CFAP57: variants seen among roughly 807,000 people sequenced by gnomAD.
CFAP57 encodes cilia and flagella associated protein 57.
In CFAP57, 116 loss-of-function variants were observed where a neutral mutation model predicts 146.8. The ratio of observed to expected loss-of-function variants is 0.79; its 90% CI spans 0.68 to 0.92. The LOEUF is 0.92. CFAP57 is among the 40% of genes least tolerant of loss of function. The pLI, the probability that CFAP57 is intolerant of heterozygous loss-of-function variation, is 0.00. For missense variants in CFAP57, 1,377 were observed against 1,527.2 expected (o/e 0.90, Z 1.64); for synonymous variants, 518 against 552.8 (o/e 0.94, Z 0.88).
In CFAP57 at chr1:43,231,448, C is replaced by G. The variant is rs1645462336; in HGVS notation, c.3010-1060C>G. 2.0e-5 allele frequency among the ~76,000 whole-genome samples: 3 copies of G among 152,202 alleles called. No individual in the cohort carries two copies. In the South Asian group the frequency reaches 6.2e-4, roughly 32 times the overall value. On this transcript the variant is annotated intron_variant, in intron 18 of 22. Transcript: ENST00000372492. ...TGTCCACCAGATATAGTCCATAAGT[C>G]ATTAGGAGTTAGGTCAATGAAAGCT...
chr1:43,197,661 C>T lies in CFAP57; in HGVS notation c.1231C>T (p.Arg411Ter), dbSNP rs776508053. 27 of 1,613,964 alleles carry T rather than the reference C, an allele frequency of 1.7e-5. No homozygotes were observed. Among genetic ancestry groups the T allele is most frequent in the Middle Eastern group, 1.6e-4 (1 of 6,084 alleles). ...CCTTATAGCCACCTGTTCTCTGGAT[C>T]GATCCATCCGCCTTTGGAATTATGA... ...KPLIATCSLDRSIRLWNYETN... is the reference protein window; with the variant it reads ...KPLIATCSLD Residue 411 changes from arginine (R) to a stop codon, truncating the protein, a stop_gained, in exon 7 of 23, where the codon CGA (arginine) becomes TGA (stop). Transcript: ENST00000372492. LOFTEE classifies it high-confidence loss of function.
At chr1:43,227,710 C>T (rs984589684) in intron 18 of CFAP57, among the ~76,000 whole-genome samples, 6 of 152,058 alleles carry the variant, frequency 3.9e-5, no homozygotes, top group Admixed American at 3.9e-4. Context: ...GTCCCCCATG[C>T]CCCCCACCAC....
intron 2 of CFAP57, among the ~76,000 whole-genome samples, chr1:43,178,722 T>A (rs546712281): frequency 6.6e-6 from 1 of 152,332 alleles, no homozygotes; most frequent in South Asian, 2.1e-4. Context: ...TGGAAGACAG[T>A]GTGGTGATTC....
intron 16 of CFAP57, among the ~76,000 whole-genome samples, chr1:43,223,369 T>C (rs1645124308): frequency 1.3e-5 from 2 of 152,084 alleles, no homozygotes; most frequent in Non-Finnish European, 2.9e-5. Flanking sequence ...ATAGATGAAG[T>C]CTTGGCCGGG....
At chr1:43,222,008 T>C in intron 14 of CFAP57, 97 bp from the exon 15 acceptor site, 1 of 1,048,248 alleles carries the variant, frequency 9.5e-7, no homozygotes, top group Non-Finnish European at 1.3e-6. Context: ...CTGCTCCAGC[T>C]GGTGCTGGAA....
chr1:43,253,436 A>C (rs1002595474), intron 22 of CFAP57, among the ~76,000 whole-genome samples: 1 of 152,304 alleles, frequency 6.6e-6, no homozygotes, highest in East Asian at 1.9e-4. Flanking sequence ...CTTGCGGGGC[A>C]GGGGTGAGCC....
intron 17 of CFAP57, among the ~76,000 whole-genome samples, chr1:43,224,889 T>C (rs1347911992): frequency 6.6e-6 from 1 of 152,202 alleles, no homozygotes; most frequent in Non-Finnish European, 1.5e-5. Flanking sequence ...AGGTTCCATT[T>C]ATTGACCATT....
intron 8 of CFAP57, among the ~76,000 whole-genome samples, 183 bp from the exon 9 acceptor site, chr1:43,199,207 C>G (rs139419461): frequency 7.2e-5 from 11 of 152,302 alleles, no homozygotes; most frequent in Non-Finnish European, 8.8e-5. Context: ...CTATGAGTTA[C>G]AGGAATAATG....
intron 8 of CFAP57, among the ~76,000 whole-genome samples, chr1:43,198,916 T>C (rs1643987260): frequency 1.3e-5 from 2 of 152,224 alleles, no homozygotes; most frequent in Admixed American, 1.3e-4. Context: ...CTGTCTGTAA[T>C]TGTGGAATAT....
At chr1:43,203,854 G>T (rs753769365) in intron 9 of CFAP57, among the ~76,000 whole-genome samples, 6 of 152,112 alleles carry the variant, frequency 3.9e-5, no homozygotes, top group Non-Finnish European at 2.9e-5. Context: ...GGAGTTTATT[G>T]TACTTCTTGG....
At chr1:43,177,197 A>C in intron 2 of CFAP57, 1 of 456,382 alleles carries the variant, frequency 2.2e-6, no homozygotes, top group Non-Finnish European at 4.4e-6. Context: ...CTGAGGGATG[A>C]TTGCTGTAAT....
Position 43,199,410 on chromosome 1 carries a change from T to C in CFAP57, c.1449T>C (p.Gly483=), listed in dbSNP as rs746513502. The part of the protein sequence containing the change: ...GCGECSFSNG[G]HLFAAVNGNV... ...TATAGTGTTCCTTTAGCAATGGAGG[T>C]CACCTGTTTGCTGCAGTCAATGGAA... is the stretch of plus-strand genomic sequence containing the variant. The change falls in exon 9 of 23, where the codon GGT becomes GGC. Residue 483 remains glycine, a synonymous_variant. Coordinates refer to ENST00000372492, the MANE Select transcript of CFAP57 (RefSeq NM_001378189.1). 1 of 1,614,048 alleles carries C rather than the reference T, an allele frequency of 6.2e-7. No homozygotes were observed. The highest frequency in any genetic ancestry group is 1.7e-5 in the Admixed American group (1 of 59,998).
intron 22 of CFAP57, among the ~76,000 whole-genome samples, chr1:43,248,996 C>T (rs1043287913): frequency 1.3e-5 from 2 of 151,702 alleles, no homozygotes; most frequent in South Asian, 4.2e-4. Flanking sequence ...ATTCTCCTGC[C>T]TCAGCCTCCC....
Position 43,222,184 on chromosome 1 carries a change from A to G in CFAP57, c.2421A>G (p.Glu807=), listed in dbSNP as rs1198066484. Reference sequence around the variant, plus strand: ...AGCTCAAGTCCCAGAGGATGCAGGAAGAGTATGAAAAACAGCTCCGGGATA... The same window carrying G: ...AGCTCAAGTCCCAGAGGATGCAGGAGGAGTATGAAAAACAGCTCCGGGATA... ...ELQLKSQRMQ[E]EYEKQLRDND... is the part of the protein sequence containing the mutation. Residue 807 remains glutamate, a synonymous_variant, in exon 15 of 23, where the codon GAA becomes GAG. Transcript: ENST00000372492. 1 of 1,546,326 alleles carries G rather than the reference A, an allele frequency of 6.5e-7. No homozygotes were observed. The highest frequency in any genetic ancestry group is 8.7e-7 in the Non-Finnish European group (1 of 1,144,520).
At chr1:43,230,835 C>T (rs1372307508) in intron 18 of CFAP57, among the ~76,000 whole-genome samples, 1 of 152,208 alleles carries the variant, frequency 6.6e-6, no homozygotes, top group African/African-American at 2.4e-5. Context: ...TCTTTCTTAT[C>T]CTTGCAGACC....
chr1:43,206,833 C>CA lies in CFAP57; in HGVS notation c.1658dup (p.Ser554ValfsTer41). On this transcript the variant is annotated frameshift_variant, in exon 10 of 23. Coordinates refer to ENST00000372492, the MANE Select transcript of CFAP57 (RefSeq NM_001378189.1). LOFTEE classifies it high-confidence loss of function. ...GAAAGAGAGAGACAGAATGCGTGCT[C>CA]AAGTCTTGCAGCTACAACTGTGTTA... 2.5e-6 allele frequency: 4 copies of CA among 1,614,166 alleles called. No individual in the cohort carries two copies. Among genetic ancestry groups the CA allele is most frequent in the Non-Finnish European group, 3.4e-6 (4 of 1,180,026 alleles).
intron 6 of CFAP57, among the ~76,000 whole-genome samples, chr1:43,192,049 T>G (rs1306231720): frequency 6.7e-6 from 1 of 150,300 alleles, no homozygotes; most frequent in Non-Finnish European, 1.5e-5. Flanking sequence ...TTTTCCAGTT[T>G]CTTTCTGTTT....
intron 4 of CFAP57, among the ~76,000 whole-genome samples, chr1:43,184,100 T>A (rs1329115897): frequency 6.6e-6 from 1 of 152,232 alleles, no homozygotes. Context: ...CTAACCTCAT[T>A]TTATAAACAT....
chr1:43,175,310 TGTATATATACATA>T (rs1264733950), intron 2 of CFAP57, among the ~76,000 whole-genome samples: 13 of 152,044 alleles, frequency 8.6e-5, no homozygotes, highest in African/African-American at 2.9e-4. Context: ...TATATGTACA[TGTATATATACATA>T]GTATATATAC....
Sources: allele counts gnomAD v4.1 joint callset (sites outside exome capture counted in the v4.1 genomes callset), GRCh38; gene constraint gnomAD v4.1.1; transcripts MANE v1.5; gene names NCBI Gene and HGNC (gene_info 2026-07-23, HGNC 2026-07-21).